Variants in SAMMSON observed in about 807,000 individuals in gnomAD.
SAMMSON encodes the protein survival associated mitochondrial melanoma specific oncogenic non-coding RNA, also known as long intergenic non-protein coding RNA 1212.
At chr3:70,067,219 A>C (rs2067212937) in intron 3 of SAMMSON, among the ~76,000 whole-genome samples, 1 of 152,098 alleles carries the variant, frequency 6.6e-6, no homozygotes, top group Admixed American at 6.6e-5. Flanking sequence ...ATTTTAAAAG[A>C]AGAAAAAGAT....
intron 4 of SAMMSON, among the ~76,000 whole-genome samples, chr3:70,157,277 C>T (rs1045711655): frequency 2.6e-4 from 39 of 151,986 alleles, no homozygotes; most frequent in African/African-American, 7.7e-4. Context: ...ACTCTGGCTA[C>T]GAGGAACGAT....
intron 4 of SAMMSON, among the ~76,000 whole-genome samples, chr3:70,179,498 C>T (rs1345061908): frequency 6.6e-6 from 1 of 152,156 alleles, no homozygotes; most frequent in East Asian, 1.9e-4. Context: ...CCCACCTTGT[C>T]CTGTTGACCA....
chr3:70,202,599 T>C (rs1032281962), intron 4 of SAMMSON, among the ~76,000 whole-genome samples: 1 of 152,148 alleles, frequency 6.6e-6, no homozygotes, highest in Non-Finnish European at 1.5e-5. Context: ...TCCTATTCCT[T>C]AAACCTGAAT....
At chr3:70,136,750 C>T (rs1457870901) in intron 4 of SAMMSON, among the ~76,000 whole-genome samples, 1 of 152,052 alleles carries the variant, frequency 6.6e-6, no homozygotes, top group East Asian at 1.9e-4. Context: ...TTATCAAGAG[C>T]TCAGATAAGG....
intron 4 of SAMMSON, among the ~76,000 whole-genome samples, chr3:70,150,216 C>A (rs2067566163): frequency 6.6e-6 from 1 of 152,038 alleles, no homozygotes; most frequent in Non-Finnish European, 1.5e-5. Context: ...TCATTTAAAG[C>A]ACTGTTATAA....
At chr3:70,409,305 A>T (rs766127415) in intron 2 of SAMMSON, among the ~76,000 whole-genome samples, 9 of 152,186 alleles carry the variant, frequency 5.9e-5, no homozygotes, top group Non-Finnish European at 1.3e-4. Flanking sequence ...ATAACATTCC[A>T]TCAGGATATG....
chr3:70,052,504 G>T (rs1396262357), intron 3 of SAMMSON, among the ~76,000 whole-genome samples: 1 of 152,028 alleles, frequency 6.6e-6, no homozygotes, highest in Non-Finnish European at 1.5e-5. Flanking sequence ...AATTTTATTT[G>T]TACACTGCAT....
At chr3:70,051,134 C>CAAAAAAAAAAAAAAAAAAAAA (rs71126477) in intron 3 of SAMMSON, among the ~76,000 whole-genome samples, 1 of 45,234 alleles carries the variant, frequency 2.2e-5, no homozygotes, top group Non-Finnish European at 4.0e-5. Context: ...TACTCCATCT[C>CAAAAAAAAAAAAAAAAAAAAA]AAAAAAAAAA....
chr3:70,422,620 C>G (rs1303346375), intron 2 of SAMMSON, among the ~76,000 whole-genome samples: 2 of 151,802 alleles, frequency 1.3e-5, no homozygotes, highest in East Asian at 3.9e-4. Flanking sequence ...TCATTTTTTT[C>G]TGTTAGATTC....
chr3:70,158,538 G>A (rs1401609112), intron 4 of SAMMSON, among the ~76,000 whole-genome samples: 1 of 151,510 alleles, frequency 6.6e-6, no homozygotes, highest in Non-Finnish European at 1.5e-5. Context: ...TCTTTGGGTG[G>A]ACACTTTTTT....
chr3:70,223,633 G>A (rs1701479009), intron 4 of SAMMSON, among the ~76,000 whole-genome samples: 1 of 151,978 alleles, frequency 6.6e-6, no homozygotes, highest in Admixed American at 6.6e-5. Flanking sequence ...GCTATTTCCT[G>A]GTACCCTGTC....
chr3:70,421,652 T>G (rs1701314402), intron 2 of SAMMSON, among the ~76,000 whole-genome samples: 1 of 152,166 alleles, frequency 6.6e-6, no homozygotes, highest in African/African-American at 2.4e-5. Context: ...AGAGACAGTA[T>G]GAAAATTATC....
chr3:70,250,409 TCTCACA>T (rs1211013901), intron 6 of SAMMSON, among the ~76,000 whole-genome samples: 9,987 of 126,248 alleles, frequency 0.079, 493 homozygotes, highest in East Asian at 0.19. Context: ...TTTTAATGAA[TCTCACA>T]CACACACACA....
chr3:70,284,566 C>T (rs765272280), intron 6 of SAMMSON, among the ~76,000 whole-genome samples: 41 of 152,116 alleles, frequency 2.7e-4, no homozygotes, highest in Non-Finnish European at 4.0e-4. Flanking sequence ...ACTATGCAGC[C>T]ATAAAAAAGA....
chr3:70,410,809 A>C (rs889196427), intron 2 of SAMMSON, among the ~76,000 whole-genome samples: 1 of 152,196 alleles, frequency 6.6e-6, no homozygotes, highest in Non-Finnish European at 1.5e-5. Context: ...TGATTATGGA[A>C]GTTATTACTA....
chr3:70,010,903 C>T (rs928103258), intron 1 of SAMMSON, among the ~76,000 whole-genome samples: 2 of 152,048 alleles, frequency 1.3e-5, no homozygotes, highest in African/African-American at 2.4e-5. Context: ...TCTCGTGAGA[C>T]TCACTGACTA....
chr3:70,289,878 A>G (rs1176391828), intron 6 of SAMMSON, among the ~76,000 whole-genome samples: 2 of 151,570 alleles, frequency 1.3e-5, no homozygotes, highest in Non-Finnish European at 2.9e-5. Context: ...TGCATTCTTC[A>G]CGTAGTTCTC....
exon 6 of SAMMSON, chr3:70,249,669 C>T (rs1403770111): frequency 6.6e-6 from 1 of 152,108 alleles, no homozygotes; most frequent in East Asian, 1.9e-4. Context: ...AGTACCAGCA[C>T]AGTGAGAGTC....
intron 1 of SAMMSON, among the ~76,000 whole-genome samples, chr3:70,000,219 A>C (rs1241772929): frequency 6.6e-6 from 1 of 152,124 alleles, no homozygotes; most frequent in East Asian, 1.9e-4. Flanking sequence ...AGTCAGCCCT[A>C]GACACTGTCG....
Sources: gnomAD v4.1 joint callset for allele counts (sites outside exome capture counted in the v4.1 genomes callset) on GRCh38, gnomAD v4.1.1 for gene constraint, MANE v1.5 for transcripts, NCBI Gene and HGNC (gene_info 2026-07-23, HGNC 2026-07-21) for gene names.